IQSEC1: variants seen among roughly 807,000 people sequenced by gnomAD.
IQSEC1 encodes IQ motif and Sec7 domain ArfGEF 1, also known as IQ motif and SEC7 domain-containing protein 1.
Under a neutral mutation model 91.0 loss-of-function variants are expected in IQSEC1, and 31 were observed. The ratio of observed to expected loss-of-function variants is 0.34; its 90% confidence interval spans 0.26 to 0.46. IQSEC1 has a LOEUF of 0.46. IQSEC1 is among the 20% of genes least tolerant of loss of function. IQSEC1 has a pLI of 1.00. For synonymous variants in IQSEC1, 699 were observed against 662.6 expected (o/e 1.05, Z -0.84); for missense variants, 1,388 against 1,575.6 (o/e 0.88, Z 2.02).
intron 1 of IQSEC1, among the ~76,000 whole-genome samples, chr3:13,255,928 T>A (rs932556807): frequency 6.6e-6 from 1 of 152,252 alleles, no homozygotes; most frequent in East Asian, 1.9e-4. Flanking sequence ...TCCAGAGATA[T>A]TTTTGTTGTC....
At chr3:13,170,956 C>T (rs1693595761) in intron 1 of IQSEC1, among the ~76,000 whole-genome samples, 4 of 151,950 alleles carry the variant, frequency 2.6e-5, no homozygotes, top group South Asian at 4.2e-4. Flanking sequence ...AAAAATTAGC[C>T]GGGCATGATG....
At chr3:13,156,671 C>T (rs547133167) in intron 2 of IQSEC1, among the ~76,000 whole-genome samples, 2 of 152,346 alleles carry the variant, frequency 1.3e-5, no homozygotes, top group South Asian at 2.1e-4. Context: ...AAAGTTCCTG[C>T]TGACATTCCA....
At position 12,911,596 on chromosome 3, in the gene IQSEC1, G is replaced by A. The variant is rs61641638; in HGVS notation, c.2416+33C>T. On this transcript the variant is annotated intron_variant, in intron 10 of 13. Transcript: ENST00000613206. ...AGAAAGAGCGTAAGCTGGGACATGCGCTCTTCCAGGCAGGCCCTGGGGGCA... is the reference window on the plus strand; with the variant it reads ...AGAAAGAGCGTAAGCTGGGACATGCACTCTTCCAGGCAGGCCCTGGGGGCA... 2.7e-3 allele frequency: 4,078 copies of A among 1,491,458 alleles called. 78 individuals are homozygous for A. In the African/African-American group the frequency reaches 0.048, roughly 18 times the overall value. 92.4% of individuals were successfully genotyped at this position (1,491,458 alleles called of 1,614,324 possible).
At chr3:13,095,143 G>A (rs542116495) in intron 2 of IQSEC1, among the ~76,000 whole-genome samples, 19 of 152,150 alleles carry the variant, frequency 1.2e-4, no homozygotes, top group African/African-American at 4.6e-4. Context: ...ATCTCTGCCT[G>A]TGGGTGGACC....
At chr3:13,057,792 G>T (rs1278225764) in intron 1 of IQSEC1, among the ~76,000 whole-genome samples, 1 of 152,204 alleles carries the variant, frequency 6.6e-6, no homozygotes. Flanking sequence ...AGCTCAGCCT[G>T]CCTGAGTCTG....
At chr3:13,168,541 A>T (rs989327631) in intron 1 of IQSEC1, among the ~76,000 whole-genome samples, 16 of 152,170 alleles carry the variant, frequency 1.1e-4, no homozygotes, top group African/African-American at 3.6e-4. Flanking sequence ...CTGCCCTTGG[A>T]ACAAAATTCA....
At chr3:13,161,848 C>T (rs1414225036) in intron 2 of IQSEC1, among the ~76,000 whole-genome samples, 2 of 152,174 alleles carry the variant, frequency 1.3e-5, no homozygotes, top group Admixed American at 6.5e-5. Flanking sequence ...CTGTGTGGCT[C>T]GGAGCTGGGA....
At chr3:13,279,662 G>T (rs1321621432) in intron 1 of IQSEC1, among the ~76,000 whole-genome samples, 1 of 152,192 alleles carries the variant, frequency 6.6e-6, no homozygotes, top group African/African-American at 2.4e-5. Flanking sequence ...CGGGCTGGGG[G>T]CTCCTGACTC....
At chr3:12,932,911 G>A (rs1326111793) in intron 3 of IQSEC1, among the ~76,000 whole-genome samples, 6 of 152,192 alleles carry the variant, frequency 3.9e-5, no homozygotes, top group African/African-American at 9.7e-5. Context: ...GGCAGCCCCC[G>A]GGATGCCCTC....
At position 13,259,071 on chromosome 3, in the gene IQSEC1, A is replaced by T. The variant is rs75542158; in HGVS notation, c.272+23640T>A. Among the ~76,000 whole-genome samples the T allele has an allele frequency of 5.8e-3, 886 of 152,264 alleles. 5 individuals carry two copies. The highest frequency in any genetic ancestry group is 0.021 in the African/African-American group (854 of 41,516). The stretch of plus-strand genomic sequence containing the variant: ...ACCATGGCCAGAGAGGTCTCTCAAC[A>T]TGATAAACTGGACCCTGTCATCCAA... On this transcript the variant is annotated intron_variant, in intron 1 of 15. Coordinates refer to the IQSEC1 transcript ENST00000648114. The surrounding 1 kb of genome is among the most constrained non-coding windows in gnomAD (Gnocchi z 4.6).
In IQSEC1 at chr3:12,900,187, T is replaced by G; in HGVS notation, c.*796A>C. The G allele has an allele frequency of 1.0e-6, 1 of 975,568 alleles. No individual in the cohort carries two copies. Among genetic ancestry groups the G allele is most frequent in the South Asian group, 4.7e-5 (1 of 21,134 alleles). 60.4% of individuals were successfully genotyped at this position (975,568 alleles called of 1,614,324 possible). On this transcript the variant is annotated 3_prime_UTR_variant, in exon 14 of 14. Coordinates refer to ENST00000613206, the MANE Select transcript of IQSEC1 (RefSeq NM_001134382.3). The stretch of plus-strand genomic sequence containing the variant: ...AATAAGGATTTATACAAAGCAATAC[T>G]GGACTTTTTAAACAGTTAGATGCTA...
chr3:13,277,126 A>G (rs1188892666), intron 1 of IQSEC1, among the ~76,000 whole-genome samples: 32 of 149,092 alleles, frequency 2.1e-4, no homozygotes, highest in Admixed American at 5.3e-4. Context: ...AAAAAAAAAA[A>G]AAAAAAAAAA....
chr3:13,180,035 C>T (rs1227124909), intron 1 of IQSEC1, among the ~76,000 whole-genome samples: 4 of 152,178 alleles, frequency 2.6e-5, no homozygotes, highest in African/African-American at 4.8e-5. Context: ...TGAGCCTCCC[C>T]GACGAGCACC....
In IQSEC1 at chr3:13,034,341, C is replaced by T. The variant is rs1218900276; in HGVS notation, c.23+38651G>A. Among the ~76,000 whole-genome samples, 5 of 152,234 alleles carry T rather than the reference C, an allele frequency of 3.3e-5. 1 individual carries two copies. The highest frequency in any genetic ancestry group is 5.9e-5 in the Non-Finnish European group (4 of 68,046). On this transcript the variant is annotated intron_variant, in intron 1 of 13. Coordinates refer to ENST00000613206, the MANE Select transcript of IQSEC1 (RefSeq NM_001134382.3). ...AGTCACTTGGGATGGACTTATCTCA[C>T]GTGCTAAATCCAGCAGTTACCAAGA...
chr3:12,983,669 A>G lies in IQSEC1; in HGVS notation c.24-41804T>C, dbSNP rs956537693. Among the ~76,000 whole-genome samples the G allele has an allele frequency of 1.3e-5, 2 of 152,124 alleles. No homozygotes were observed. Among genetic ancestry groups the G allele is most frequent in the African/African-American group, 4.8e-5 (2 of 41,404 alleles). ...CTTCAGGGACGCCTGGGCTGACCTC[A>G]CAGGCCACGCTGGGCAATTCCTCCC... On this transcript the variant is annotated intron_variant, in intron 1 of 13. Transcript: ENST00000613206. This position sits in a 1 kb window ranked among gnomAD's most constrained non-coding sequence, Gnocchi z 4.3.
At chr3:13,183,583 AATGAAAAACCAT>A (rs1331521775) in intron 1 of IQSEC1, among the ~76,000 whole-genome samples, 1 of 152,176 alleles carries the variant, frequency 6.6e-6, no homozygotes, top group African/African-American at 2.4e-5. Context: ...AAAAAAGAAA[AATGAAAAACCAT>A]ATGAAAAATC....
rs1376389327 is a variant in IQSEC1 at position 13,282,443 on chromosome 3, G to A, written c.272+268C>T. ...CCCTGAGTCCGCGCCGCAGCGCAGAGCCAGGCCGGCGGGAGCGCTGAGCAG... is the reference window on the plus strand; with the variant it reads ...CCCTGAGTCCGCGCCGCAGCGCAGAACCAGGCCGGCGGGAGCGCTGAGCAG... On this transcript the variant is annotated intron_variant, in intron 1 of 15. Transcript: ENST00000648114. This position sits in a 1 kb window ranked among gnomAD's most constrained non-coding sequence, Gnocchi z 6.4. Among the ~76,000 whole-genome samples, 8 of 152,144 alleles carry A rather than the reference G, an allele frequency of 5.3e-5. No homozygotes were observed.
chr3:13,001,527 T>G (rs1702424233), intron 1 of IQSEC1, among the ~76,000 whole-genome samples: 1 of 152,180 alleles, frequency 6.6e-6, no homozygotes, highest in African/African-American at 2.4e-5. Context: ...GACCACATGT[T>G]CATAAAGAAA....
At chr3:13,249,976 G>A (rs1034382938) in intron 1 of IQSEC1, among the ~76,000 whole-genome samples, 27 of 152,354 alleles carry the variant, frequency 1.8e-4, no homozygotes, top group African/African-American at 5.8e-4. Flanking sequence ...GTGAGGGCCC[G>A]TCAGCTCCAT....
Sources: allele counts gnomAD v4.1 joint callset (sites outside exome capture counted in the v4.1 genomes callset), GRCh38; gene constraint gnomAD v4.1.1; non-coding constraint Gnocchi (gnomAD v3.1); transcripts MANE v1.5; gene names NCBI Gene and HGNC (gene_info 2026-07-23, HGNC 2026-07-21).